Variants in HKDC1 observed in about 807,000 individuals in gnomAD.
The protein encoded by HKDC1 is hexokinase HKDC1.
A neutral mutation model predicts 96.6 loss-of-function variants in HKDC1; 66 were observed. The ratio of observed to expected loss-of-function variants is 0.68; its 90% confidence interval spans 0.56 to 0.84. The LOEUF (loss-of-function observed/expected upper bound fraction) is 0.84. HKDC1 is among the 40% of genes least tolerant of loss of function. HKDC1 has a pLI of 0.00. For synonymous variants in HKDC1, 466 were observed against 473.1 expected (o/e 0.98, Z 0.20); for missense variants, 1,211 against 1,208.1 (o/e 1.00, Z -0.04).
chr10:69,237,277 T>TTGTGTGTGTGTGTG (rs71035080), intron 4 of HKDC1, among the ~76,000 whole-genome samples: 5 of 145,598 alleles, frequency 3.4e-5, no homozygotes, highest in South Asian at 2.3e-4. Context: ...AGAAATTTCT[T>TTGTGTGTGTGTGTG]TGTGTGTGTG....
intron 7 of HKDC1, 134 bp downstream of exon 7, chr10:69,243,499 C>CA: frequency 1.3e-5 from 7 of 520,056 alleles, no homozygotes; most frequent in Non-Finnish European, 2.2e-5. Flanking sequence ...TTTCTTTTTC[C>CA]TTTTTTTTTT....
At chr10:69,241,150 A>G (rs561013193) in intron 6 of HKDC1, among the ~76,000 whole-genome samples, 1 of 152,330 alleles carries the variant, frequency 6.6e-6, no homozygotes, top group South Asian at 2.1e-4. Context: ...GAGGGGTGGC[A>G]TTTGAGCCGG....
chr10:69,246,597 A>G (rs1843544931), intron 8 of HKDC1, among the ~76,000 whole-genome samples: 1 of 152,220 alleles, frequency 6.6e-6, no homozygotes, highest in Non-Finnish European at 1.5e-5. Flanking sequence ...GTTTGCTTAC[A>G]ATATCAGGGC....
At chr10:69,234,645 T>G (rs1021320894) in intron 4 of HKDC1, among the ~76,000 whole-genome samples, 1 of 152,218 alleles carries the variant, frequency 6.6e-6, no homozygotes, top group Non-Finnish European at 1.5e-5. Context: ...CATCCAACAC[T>G]GTGGTTGGGC....
intron 2 of HKDC1, among the ~76,000 whole-genome samples, chr10:69,229,584 A>C (rs1019574559): frequency 3.3e-5 from 5 of 152,120 alleles, no homozygotes; most frequent in African/African-American, 1.2e-4. Context: ...TGATACAGAC[A>C]AGGTGTGTCC....
chr10:69,230,538 C>T (rs1843239146), intron 2 of HKDC1, among the ~76,000 whole-genome samples: 1 of 152,190 alleles, frequency 6.6e-6, no homozygotes, highest in Non-Finnish European at 1.5e-5. Flanking sequence ...ACCATTGGGT[C>T]CAAGGCAGTT....
chr10:69,265,697 G>A lies in HKDC1; in HGVS notation c.2485G>A (p.Ala829Thr). 6.2e-7 allele frequency: 1 copy of A among 1,613,546 alleles called. No individual in the cohort carries two copies. Among genetic ancestry groups the A allele is most frequent in the East Asian group, 2.2e-5 (1 of 44,874 alleles). ...GGTGTGCGGAGCCGTGTCCCGGCGG[G>A]CGGCCCAGCTCTGCGGTGCTGGCCT... Reference protein sequence around the residue: ...KEVCGAVSRRAAQLCGAGLAA... With the variant: ...KEVCGAVSRRTAQLCGAGLAA... Residue 829 changes from alanine (A) to threonine (T), a missense_variant, in exon 17 of 18, where the codon GCG (alanine) becomes ACG (threonine). Ala to Thr is a moderately conservative substitution (Grantham distance 58). Coordinates refer to ENST00000354624, the MANE Select transcript of HKDC1 (RefSeq NM_025130.4).
chr10:69,237,044 G>A (rs7097447), intron 4 of HKDC1, among the ~76,000 whole-genome samples: 6,487 of 152,162 alleles, frequency 0.043, 448 homozygotes, highest in African/African-American at 0.15. Flanking sequence ...GGGAAGATGG[G>A]CTCTGTTCAG....
chr10:69,256,987 T>C, intron 12 of HKDC1, 49 bp from the exon 13 acceptor site: 3 of 1,384,516 alleles, frequency 2.2e-6, no homozygotes, highest in Non-Finnish European at 3.1e-6. Flanking sequence ...GGTTGTGCAG[T>C]GGCCCTAGCA....
intron 4 of HKDC1, among the ~76,000 whole-genome samples, chr10:69,235,443 A>C (rs1843345710): frequency 8.1e-6 from 1 of 124,100 alleles, no homozygotes. Context: ...CAAACAAAAA[A>C]CAACAACAAG....
intron 13 of HKDC1, 30 bp from the exon 14 acceptor site, chr10:69,257,297 G>A (rs753566024): frequency 5.0e-6 from 8 of 1,589,600 alleles, no homozygotes; most frequent in African/African-American, 1.3e-5. Context: ...AGTAAAGCTG[G>A]GTTTTTTTTG....
At chr10:69,243,427 C>G (rs1402853472) in intron 7 of HKDC1, 62 bp downstream of exon 7, 37 of 1,395,528 alleles carry the variant, frequency 2.7e-5, no homozygotes, top group Non-Finnish European at 3.2e-5. Context: ...CACTCAGGTC[C>G]CCTGGCTACC....
intron 14 of HKDC1, among the ~76,000 whole-genome samples, chr10:69,257,746 G>T (rs1342779347): frequency 6.6e-6 from 1 of 152,152 alleles, no homozygotes; most frequent in African/African-American, 2.4e-5. Context: ...AGCTATTATA[G>T]ATTTTCACTC....
intron 12 of HKDC1, among the ~76,000 whole-genome samples, chr10:69,252,177 G>A (rs1843652685): frequency 6.6e-6 from 1 of 151,958 alleles, no homozygotes; most frequent in South Asian, 2.1e-4. Flanking sequence ...TAAATATGGA[G>A]ACATTTATTA....
intron 10 of HKDC1, 126 bp from the exon 11 acceptor site, chr10:69,250,164 C>A: frequency 1.9e-6 from 2 of 1,076,248 alleles, no homozygotes; most frequent in South Asian, 1.5e-5. Context: ...GCCCCCACGA[C>A]CCTCTGGTCT....
rs536595188 is a variant in HKDC1, at chr10:69,257,376, T to C, written c.1982T>C (p.Met661Thr). ...GTCGTGAATGATACAGTGGGGACCA[T>C]GATGACCTGTGGCTATGAAGATCCT... ...VAVVNDTVGT[M>T]MTCGYEDPNC... The change falls in exon 14 of 18, where the codon ATG becomes ACG. Residue 661 changes from methionine to threonine, a missense_variant. By Grantham distance (81) the Met-to-Thr change is moderately conservative (BLOSUM62 -1). Coordinates refer to ENST00000354624, the MANE Select transcript of HKDC1 (RefSeq NM_025130.4). 2 of 1,614,178 alleles carry C rather than the reference T, an allele frequency of 1.2e-6. No homozygotes were observed. Among genetic ancestry groups the C allele is most frequent in the African/African-American group, 1.3e-5 (1 of 75,050 alleles).
intron 1 of HKDC1, among the ~76,000 whole-genome samples, chr10:69,225,179 C>T (rs1454053821): frequency 6.6e-6 from 1 of 152,166 alleles, no homozygotes; most frequent in Non-Finnish European, 1.5e-5. Flanking sequence ...ACAGGACTTA[C>T]ATGGCAGGGA....
At chr10:69,258,990 G>C in intron 15 of HKDC1, 31 bp downstream of exon 15, 19 of 1,490,786 alleles carry the variant, frequency 1.3e-5, no homozygotes, top group Non-Finnish European at 1.3e-5. Context: ...CATTTATGTG[G>C]GTTGTGTAGT....
At chr10:69,228,953 A>C (rs906020862) in intron 2 of HKDC1, among the ~76,000 whole-genome samples, 1 of 152,124 alleles carries the variant, frequency 6.6e-6, no homozygotes. Flanking sequence ...AGAAAGAAAG[A>C]AAGAGAAAGA....
Sources: allele counts gnomAD v4.1 joint callset (sites outside exome capture counted in the v4.1 genomes callset), GRCh38; gene constraint gnomAD v4.1.1; transcripts MANE v1.5; gene names NCBI Gene and HGNC (gene_info 2026-07-23, HGNC 2026-07-21).